METTL15: variants seen among roughly 807,000 people sequenced by gnomAD.
METTL15 encodes the protein methyltransferase 15, mitochondrial 12S rRNA N4-cytidine.
In METTL15, 34 loss-of-function variants were observed where a neutral mutation model predicts 38.3. That is an observed-to-expected ratio of 0.89 (90% CI 0.68 to 1.18). The LOEUF is 1.18. Ranked by LOEUF, METTL15 falls within the 50% of genes most tolerant of loss-of-function variation. METTL15 has a pLI of 0.00. For missense variants in METTL15, 438 were observed against 498.4 expected (o/e 0.88, Z 1.15); for synonymous variants, 162 against 170.9 (o/e 0.95, Z 0.41).
At chr11:28,394,828 G>C (rs1850551665) in intron 5 of METTL15, among the ~76,000 whole-genome samples, 1 of 151,978 alleles carries the variant, frequency 6.6e-6, no homozygotes, top group South Asian at 2.1e-4. Context: ...CCTGGACTAT[G>C]AAACAGTCAT....
chr11:28,284,248 G>A lies in METTL15; in HGVS notation c.408-5958G>A, dbSNP rs1056484551. On this transcript the variant is annotated intron_variant, in intron 4 of 6. Transcript: ENST00000407364. Reference sequence around the variant, plus strand: ...CTTGTACATTATAATGTTGAGCTTTGTACCACAATGATTATTACATCTTTG... The same window carrying A: ...CTTGTACATTATAATGTTGAGCTTTATACCACAATGATTATTACATCTTTG... 3.0e-4 allele frequency among the ~76,000 whole-genome samples: 46 copies of A among 152,112 alleles called. No homozygotes were observed. In the East Asian group the frequency reaches 4.1e-3, roughly 13 times the overall value.
intron 3 of METTL15, among the ~76,000 whole-genome samples, chr11:28,339,632 G>A (rs539017117): frequency 6.6e-6 from 1 of 151,712 alleles, no homozygotes; most frequent in East Asian, 1.9e-4. Context: ...AAAATCAACA[G>A]CAACAATGTA....
intron 5 of METTL15, among the ~76,000 whole-genome samples, chr11:28,397,985 A>G: frequency 6.6e-6 from 1 of 152,060 alleles, no homozygotes. Flanking sequence ...AACTATCACA[A>G]GGACAAAAAA....
chr11:28,510,180 A>G (rs185574442), intron 6 of METTL15, among the ~76,000 whole-genome samples: 6 of 152,284 alleles, frequency 3.9e-5, no homozygotes, highest in Non-Finnish European at 7.3e-5. Context: ...TTTGGACTTG[A>G]TAAGTATCAA....
intron 4 of METTL15, among the ~76,000 whole-genome samples, chr11:28,248,135 A>C (rs1854587610): frequency 6.6e-6 from 1 of 152,042 alleles, no homozygotes; most frequent in South Asian, 2.1e-4. Flanking sequence ...ATGAAATTCA[A>C]AATCCTTTGT....
At chr11:28,173,849 A>G (rs570194924) in intron 3 of METTL15, among the ~76,000 whole-genome samples, 6 of 152,166 alleles carry the variant, frequency 3.9e-5, no homozygotes, top group South Asian at 4.1e-4. Flanking sequence ...ATGCCTCTCT[A>G]TTGAGTTAGC....
intron 3 of METTL15, among the ~76,000 whole-genome samples, chr11:28,210,614 CTCTG>C (rs1049605201): frequency 2.0e-5 from 3 of 151,966 alleles, no homozygotes; most frequent in African/African-American, 7.2e-5. Context: ...TATTCTCTCT[CTCTG>C]TCTTTCTGTT....
intron 3 of METTL15, among the ~76,000 whole-genome samples, chr11:28,345,349 C>T (rs778340331): frequency 4.6e-5 from 7 of 151,992 alleles, no homozygotes; most frequent in Non-Finnish European, 7.4e-5. Flanking sequence ...CCACCACGCC[C>T]GGCTAATTTT....
chr11:28,238,536 A>G (rs1032888499), intron 4 of METTL15, among the ~76,000 whole-genome samples: 22 of 152,058 alleles, frequency 1.4e-4, no homozygotes, highest in African/African-American at 5.1e-4. Flanking sequence ...AGGAAAGGGA[A>G]CTCCCTGACC....
chr11:28,430,237 GC>G (rs1270447516), intron 6 of METTL15, among the ~76,000 whole-genome samples: 2 of 147,042 alleles, frequency 1.4e-5, no homozygotes, highest in South Asian at 4.4e-4. Flanking sequence ...GGGGGGGTCA[GC>G]CCCCCGCCAG....
chr11:28,284,573 G>A (rs369280291), intron 4 of METTL15, among the ~76,000 whole-genome samples: 4 of 152,072 alleles, frequency 2.6e-5, no homozygotes, highest in Admixed American at 6.6e-5. Flanking sequence ...TAAAAAAATA[G>A]CAAAACTGCC....
intron 3 of METTL15, among the ~76,000 whole-genome samples, chr11:28,174,815 A>AG (rs1850995862): frequency 9.9e-5 from 2 of 20,102 alleles, no homozygotes; most frequent in Non-Finnish European, 4.9e-4. Context: ...ATTCTGTCTC[A>AG]AAAAAAAAAA....
intron 6 of METTL15, among the ~76,000 whole-genome samples, chr11:28,495,373 A>G (rs1411739635): frequency 6.6e-6 from 1 of 152,132 alleles, no homozygotes; most frequent in East Asian, 1.9e-4. Flanking sequence ...AAAAAGGGAA[A>G]AAGAAAGAAA....
intron 3 of METTL15, among the ~76,000 whole-genome samples, chr11:28,174,746 C>T (rs1265536473): frequency 4.1e-5 from 6 of 145,878 alleles, no homozygotes; most frequent in Admixed American, 1.4e-4. Context: ...AGCCGGGGGG[C>T]GGAGCTTGCA....
At chr11:28,135,991 A>G (rs1849501664) in intron 3 of METTL15, among the ~76,000 whole-genome samples, 1 of 152,200 alleles carries the variant, frequency 6.6e-6, no homozygotes, top group Non-Finnish European at 1.5e-5. Context: ...GTTTCTCTCT[A>G]TTCCAGTGTC....
At chr11:28,259,708 C>T (rs1855121145) in intron 4 of METTL15, among the ~76,000 whole-genome samples, 1 of 152,192 alleles carries the variant, frequency 6.6e-6, no homozygotes, top group Admixed American at 6.5e-5. Context: ...GAAACACTCT[C>T]CATACCACGC....
downstream of METTL15, among the ~76,000 whole-genome samples, chr11:28,529,381 A>T: frequency 6.6e-6 from 1 of 152,052 alleles, no homozygotes; most frequent in East Asian, 1.9e-4. Flanking sequence ...CTTGAGATGT[A>T]TCATTTTAAA....
chr11:28,153,286 C>T (rs150672542), intron 3 of METTL15, among the ~76,000 whole-genome samples: 1 of 152,234 alleles, frequency 6.6e-6, no homozygotes, highest in African/African-American at 2.4e-5. Flanking sequence ...TAACTACGCA[C>T]ATCCTCCCTT....
At chr11:28,450,920 G>A (rs774099922) in intron 6 of METTL15, among the ~76,000 whole-genome samples, 1 of 152,098 alleles carries the variant, frequency 6.6e-6, no homozygotes, top group Non-Finnish European at 1.5e-5. Context: ...ATCCTTGTGA[G>A]GGGAGGACTC....
Sources: gnomAD v4.1 joint callset for allele counts (sites outside exome capture counted in the v4.1 genomes callset) on GRCh38, gnomAD v4.1.1 for gene constraint, MANE v1.5 for transcripts, NCBI Gene and HGNC (gene_info 2026-07-23, HGNC 2026-07-21) for gene names.